DPP6: variants seen among roughly 807,000 people sequenced by gnomAD.
DPP6 encodes the protein dipeptidyl peptidase like 6, also known as A-type potassium channel modulatory protein DPP6.
DPP6 carries 69 observed loss-of-function variants against 122.6 expected under a neutral mutation model. The observed-to-expected ratio is 0.56, with a 90% CI of 0.46 to 0.69. The LOEUF (loss-of-function observed/expected upper bound fraction) is 0.69, where lower values mean the gene tolerates loss of function less well. Among genes scored for constraint, DPP6 ranks in the 30% least tolerant of loss-of-function variants. The probability of loss-of-function intolerance (pLI) is 0.00; values close to 1 mark genes in which losing one functional copy is unlikely to be tolerated. For missense variants in DPP6, 928 were observed against 1,116.9 expected, an observed-to-expected ratio of 0.83 and a Z score of 2.41; for synonymous variants, 418 against 433.1, an observed-to-expected ratio of 0.97 and a Z score of 0.43.
chr7:154,364,864 G>A (rs777733546), intron 1 of DPP6, among the ~76,000 whole-genome samples: 15 of 152,104 alleles, frequency 9.9e-5, no homozygotes, highest in Non-Finnish European at 1.9e-4. Context: ...CAGCTACATG[G>A]GAAAATTCAT....
At chr7:154,568,560 T>C (rs1355592913) in intron 5 of DPP6, among the ~76,000 whole-genome samples, 1 of 152,140 alleles carries the variant, frequency 6.6e-6, no homozygotes, top group Non-Finnish European at 1.5e-5. Flanking sequence ...TGTGGTTCTG[T>C]GCATGATACA....
chr7:154,650,122 C>A (rs536931073), intron 6 of DPP6, among the ~76,000 whole-genome samples: 1 of 152,206 alleles, frequency 6.6e-6, no homozygotes, highest in Admixed American at 6.5e-5. Flanking sequence ...GAGTTTGAGA[C>A]CAGCCTGGGC....
intron 6 of DPP6, among the ~76,000 whole-genome samples, chr7:154,654,458 G>A (rs1390067240): frequency 1.9e-4 from 7 of 36,232 alleles, no homozygotes; most frequent in Non-Finnish European, 5.2e-4. Flanking sequence ...TCGCCCTATT[G>A]CCCAGGCTGG....
chr7:154,776,681 A>G (rs1354051436), intron 10 of DPP6, among the ~76,000 whole-genome samples: 4 of 152,188 alleles, frequency 2.6e-5, no homozygotes, highest in Non-Finnish European at 2.9e-5. Flanking sequence ...TCTTATTTGC[A>G]TGGGATTCTT....
At chr7:154,003,615 T>G (rs1442277765) in intron 1 of DPP6, among the ~76,000 whole-genome samples, 1 of 152,026 alleles carries the variant, frequency 6.6e-6, no homozygotes, top group Non-Finnish European at 1.5e-5. Flanking sequence ...TAAGAAGGGT[T>G]TGGAATAAAA....
At chr7:153,858,525 T>G in the DPP6 span, among the ~76,000 whole-genome samples, 1 of 152,192 alleles carries the variant, frequency 6.6e-6, no homozygotes, top group Non-Finnish European at 1.5e-5. Flanking sequence ...CCTCCCACTC[T>G]GCATTCCCTA....
chr7:154,209,216 G>A (rs773366679), intron 1 of DPP6, among the ~76,000 whole-genome samples: 5 of 150,938 alleles, frequency 3.3e-5, no homozygotes, highest in African/African-American at 9.9e-5. Context: ...TGTCTCAGTC[G>A]TGAAAAAAAC....
intron 1 of DPP6, among the ~76,000 whole-genome samples, chr7:154,101,233 G>A (rs1256243525): frequency 7.6e-6 from 1 of 132,384 alleles, no homozygotes; most frequent in Admixed American, 7.9e-5. Context: ...AACAAACAAC[G>A]CAGTATTAAA....
chr7:154,819,347 A>C (rs1235830326), intron 16 of DPP6, among the ~76,000 whole-genome samples: 1 of 152,226 alleles, frequency 6.6e-6, no homozygotes, highest in Non-Finnish European at 1.5e-5. Context: ...CCCGGGAAGC[A>C]GAGGTTGCAG....
At chr7:154,166,263 G>A (rs894146186) in intron 1 of DPP6, among the ~76,000 whole-genome samples, 6 of 152,138 alleles carry the variant, frequency 3.9e-5, no homozygotes, top group African/African-American at 1.4e-4. Context: ...GTCACTGTGG[G>A]TGCAAACCTG....
chr7:154,460,959 T>C (rs1383946879), intron 2 of DPP6, among the ~76,000 whole-genome samples: 1 of 152,180 alleles, frequency 6.6e-6, no homozygotes, highest in East Asian at 1.9e-4. Flanking sequence ...TCTAACTCTA[T>C]TTTTGTACCC....
intron 1 of DPP6, among the ~76,000 whole-genome samples, chr7:154,239,992 TAAAAAAAAAAAAAAAAAAAA>T (rs763543397): frequency 0.021 from 1,065 of 50,394 alleles, 47 homozygotes; most frequent in African/African-American, 0.027. Context: ...ATGCTGTCTT[TAAAAAAAAAAAAAAAAAAAA>T]AAAAAAAAAA....
At chr7:154,605,541 A>G (rs990275521) in intron 5 of DPP6, among the ~76,000 whole-genome samples, 1 of 119,474 alleles carries the variant, frequency 8.4e-6, no homozygotes, top group African/African-American at 2.6e-5. Context: ...TTCATATTAT[A>G]TTTTTCTACT....
chr7:154,770,265 A>T (rs946880164), intron 9 of DPP6, among the ~76,000 whole-genome samples: 1 of 152,214 alleles, frequency 6.6e-6, no homozygotes, highest in Non-Finnish European at 1.5e-5. Context: ...CACGTCTTAC[A>T]TGGCGGCAGA....
chr7:154,178,664 C>T (rs1223899515), intron 1 of DPP6, among the ~76,000 whole-genome samples: 1 of 152,186 alleles, frequency 6.6e-6, no homozygotes, highest in Non-Finnish European at 1.5e-5. Context: ...TGGCTTTATG[C>T]TGAAATACAC....
chr7:154,288,435 C>T (rs910142373), intron 1 of DPP6, among the ~76,000 whole-genome samples: 2 of 152,222 alleles, frequency 1.3e-5, no homozygotes, highest in African/African-American at 4.8e-5. Flanking sequence ...ACTCGGATCC[C>T]ACTTTCTGCT....
At chr7:154,765,990 G>A (rs1795872842) in intron 8 of DPP6, among the ~76,000 whole-genome samples, 1 of 152,142 alleles carries the variant, frequency 6.6e-6, no homozygotes, top group African/African-American at 2.4e-5. Context: ...AGGGACATTT[G>A]GAATTAATGC....
chr7:154,073,999 C>G (rs574331578), intron 1 of DPP6, among the ~76,000 whole-genome samples: 809 of 148,654 alleles, frequency 5.4e-3, no homozygotes, highest in Middle Eastern at 0.017. Context: ...AAATATATAT[C>G]TATGTATGTA....
Position 154,803,906 on chromosome 7 carries a change from G to C in DPP6, c.1450G>C (p.Asp484His). The C allele has an allele frequency of 6.2e-7, 1 of 1,613,968 alleles. No individual in the cohort carries two copies. The change falls in exon 14 of 26, where the codon GAC (aspartate) becomes CAC (histidine). Residue 484 changes from aspartate (D) to histidine (H), a missense_variant. By Grantham distance (81) the Asp-to-His change is moderately conservative. Coordinates refer to ENST00000377770, the MANE Select transcript of DPP6 (RefSeq NM_130797.4). ...NDNIQSITSG[D>H]WDVTKILAYD... ...CAACATCCAGTCCATCACCTCCGGGGACTGGGACGTGACCAAGATCCTAGC... is the reference window on the plus strand; with the variant it reads ...CAACATCCAGTCCATCACCTCCGGGCACTGGGACGTGACCAAGATCCTAGC...
Sources: gnomAD v4.1 joint callset for allele counts (sites outside exome capture counted in the v4.1 genomes callset) on GRCh38, gnomAD v4.1.1 for gene constraint, MANE v1.5 for transcripts, NCBI Gene and HGNC (gene_info 2026-07-23, HGNC 2026-07-21) for gene names.